The following B3GAT2 variants were observed in gnomAD, a reference collection of about 807,000 sequenced individuals.
The protein encoded by B3GAT2 is galactosylgalactosylxylosylprotein 3-beta-glucuronosyltransferase 2.
In B3GAT2, 26 loss-of-function variants were observed where a neutral mutation model predicts 27.8. That is an observed-to-expected ratio of 0.93 (90% confidence interval 0.68 to 1.30). The LOEUF is 1.30. B3GAT2 is among the 50% of genes most tolerant of loss of function. The pLI is 0.00. For synonymous variants in B3GAT2, 218 were observed against 195.1 expected (o/e 1.12, Z -0.98); for missense variants, 458 against 459.0 (o/e 1.00, Z 0.02).
intron 1 of B3GAT2, among the ~76,000 whole-genome samples, chr6:70,955,167 T>C (rs927165036): frequency 7.6e-6 from 1 of 131,628 alleles, no homozygotes; most frequent in African/African-American, 3.0e-5. Context: ...CCAGAAAGGG[T>C]TTTCTTGCAA....
intron 2 of B3GAT2, among the ~76,000 whole-genome samples, chr6:70,886,267 G>C (rs774529559): frequency 7.9e-5 from 12 of 152,056 alleles, no homozygotes; most frequent in Non-Finnish European, 1.6e-4. Context: ...CCTAGGCCTC[G>C]GGCTCCTTAT....
Position 70,955,976 on chromosome 6 carries a change from C to G in B3GAT2, c.454G>C (p.Gly152Arg), listed in dbSNP as rs1351684850. 7 of 1,469,464 alleles carry G rather than the reference C, an allele frequency of 4.8e-6. No homozygotes were observed. The highest frequency in any genetic ancestry group is 6.3e-6 in the Non-Finnish European group (7 of 1,118,712). 91.0% of individuals were successfully genotyped at this position (1,469,464 alleles called of 1,614,324 possible). A position where few individuals can be genotyped will look rare whatever the true frequency, so the allele number is the denominator to read the frequency against. ...VPTPRRYKRP[G>R]LPRATEQRNA... ...CGCTGCTCAGTGGCGCGCGGCAGCCCGGGCCGCTTGTAGCGCCGCGGCGTG... is the reference window on the plus strand; with the variant it reads ...CGCTGCTCAGTGGCGCGCGGCAGCCGGGGCCGCTTGTAGCGCCGCGGCGTG... Residue 152 changes from glycine (G) to arginine (R), a missense_variant, in exon 1 of 4, where the codon GGG becomes CGG. By Grantham distance (125) the Gly-to-Arg change is moderately radical (BLOSUM62 -2). Transcript: ENST00000230053.
intron 2 of B3GAT2, among the ~76,000 whole-genome samples, chr6:70,886,210 T>G (rs1481454726): frequency 6.6e-6 from 1 of 152,210 alleles, no homozygotes; most frequent in Non-Finnish European, 1.5e-5. Context: ...ACCATCTCTG[T>G]AGACACACTG....
chr6:70,893,053 T>C (rs1360401801), intron 2 of B3GAT2, among the ~76,000 whole-genome samples: 1 of 152,202 alleles, frequency 6.6e-6, no homozygotes, highest in African/African-American at 2.4e-5. Flanking sequence ...GTGTTAAATG[T>C]TGAGTAAAAA....
chr6:70,890,123 T>C (rs10447360), intron 2 of B3GAT2, among the ~76,000 whole-genome samples: 29,072 of 152,028 alleles, frequency 0.19, 3,728 homozygotes, highest in Non-Finnish European at 0.28. Context: ...TCCAGCGGTC[T>C]TTCTCCCATA....
intron 1 of B3GAT2, among the ~76,000 whole-genome samples, chr6:70,919,167 T>A (rs1772825954): frequency 1.3e-5 from 2 of 152,240 alleles, no homozygotes; most frequent in South Asian, 4.1e-4. Context: ...ACTGATATCC[T>A]TTCTTTCGCT....
At chr6:70,876,918 G>A (rs960761365) in intron 2 of B3GAT2, among the ~76,000 whole-genome samples, 1 of 152,206 alleles carries the variant, frequency 6.6e-6, no homozygotes, top group African/African-American at 2.4e-5. Context: ...GAATGAGTAA[G>A]GGCTTTGGAG....
At chr6:70,874,564 C>A (rs555843234) in intron 2 of B3GAT2, among the ~76,000 whole-genome samples, 1 of 152,278 alleles carries the variant, frequency 6.6e-6, no homozygotes, top group East Asian at 1.9e-4. Context: ...TCCTACACAT[C>A]CACAAGGCCT....
At chr6:70,870,836 C>T (rs1004464683) in intron 2 of B3GAT2, among the ~76,000 whole-genome samples, 5 of 152,062 alleles carry the variant, frequency 3.3e-5, no homozygotes, top group Non-Finnish European at 5.9e-5. Flanking sequence ...AGGGAAAAAG[C>T]TTTCGGCATT....
chr6:70,863,601 TA>T (rs1251369675), intron 2 of B3GAT2, among the ~76,000 whole-genome samples: 3 of 152,208 alleles, frequency 2.0e-5, no homozygotes, highest in African/African-American at 7.2e-5. Flanking sequence ...CCAACTCATT[TA>T]ACCTTTCTTG....
chr6:70,946,475 A>G (rs1457478402), intron 1 of B3GAT2, among the ~76,000 whole-genome samples: 1 of 152,024 alleles, frequency 6.6e-6, no homozygotes, highest in Non-Finnish European at 1.5e-5. Flanking sequence ...AGATCAAAAG[A>G]GACAAAGAAG....
At chr6:70,922,516 T>A (rs889025728) in intron 1 of B3GAT2, among the ~76,000 whole-genome samples, 1 of 151,994 alleles carries the variant, frequency 6.6e-6, no homozygotes, top group Non-Finnish European at 1.5e-5. Flanking sequence ...AAATTAGAAA[T>A]CAAAACCAAA....
At position 70,894,151 on chromosome 6, in the gene B3GAT2, C is replaced by CT; in HGVS notation, c.712dup (p.Arg238LysfsTer26). ...ACCTGCCATGTCGATGGCAAAAGGC[C>CT]TGTCTGCTCTCCAGCCGGTGTACCA... On this transcript the variant is annotated frameshift_variant, in exon 2 of 4. Transcript: ENST00000230053. LOFTEE classifies it high-confidence loss of function. 1.2e-6 allele frequency: 2 copies of CT among 1,612,946 alleles called. No individual in the cohort carries two copies. The highest frequency in any genetic ancestry group is 1.7e-6 in the Non-Finnish European group (2 of 1,179,366).
At position 70,857,342 on chromosome 6, in the gene B3GAT2, C is replaced by T. The variant is rs921803261; in HGVS notation, c.*4321G>A. On this transcript the variant is annotated 3_prime_UTR_variant, in exon 4 of 4. Coordinates refer to ENST00000230053, the MANE Select transcript of B3GAT2 (RefSeq NM_080742.3). ...ACGATTTGCATGAAGTTTATGACTG[C>T]GTACAGTGTATTTTCTCTGCAGGTA... is the stretch of plus-strand genomic sequence containing the variant. The T allele has an allele frequency of 3.9e-5, 8 of 203,850 alleles. No homozygotes were observed. Among genetic ancestry groups the T allele is most frequent in the South Asian group, 1.5e-4 (1 of 6,836 alleles). 12.6% of individuals were successfully genotyped at this position (203,850 alleles called of 1,614,324 possible). A position where few individuals can be genotyped will look rare whatever the true frequency, so the allele number is the denominator to read the frequency against.
At position 70,859,378 on chromosome 6, in the gene B3GAT2, A is replaced by G. The variant is rs1220810738; in HGVS notation, c.*2285T>C. On this transcript the variant is annotated 3_prime_UTR_variant, in exon 4 of 4. Transcript: ENST00000230053. The stretch of plus-strand genomic sequence containing the variant: ...CTCCAGCACTCCATCAGTGCAATCT[A>G]CTGGCCAATGACAAGGTGGTTAAAA... 6.5e-7 allele frequency: 1 copy of G among 1,549,374 alleles called. No individual in the cohort carries two copies. The highest frequency in any genetic ancestry group is 8.7e-7 in the Non-Finnish European group (1 of 1,146,506).
intron 1 of B3GAT2, among the ~76,000 whole-genome samples, chr6:70,901,837 A>G (rs1204988300): frequency 1.3e-5 from 2 of 152,232 alleles, no homozygotes; most frequent in African/African-American, 4.8e-5. Flanking sequence ...GTATTGTTCT[A>G]TGTATGAAAA....
chr6:70,888,812 A>G (rs1238966312), intron 2 of B3GAT2, among the ~76,000 whole-genome samples: 3 of 152,198 alleles, frequency 2.0e-5, no homozygotes, highest in African/African-American at 7.2e-5. Flanking sequence ...CCTGCCCATG[A>G]TCCCTCCCTA....
At chr6:70,949,652 C>T (rs1275542279) in intron 1 of B3GAT2, among the ~76,000 whole-genome samples, 1 of 151,204 alleles carries the variant, frequency 6.6e-6, no homozygotes, top group African/African-American at 2.4e-5. Context: ...GTGGTGATTC[C>T]TCAGGGATCT....
chr6:70,888,288 G>C (rs561815147), intron 2 of B3GAT2, among the ~76,000 whole-genome samples: 1 of 151,750 alleles, frequency 6.6e-6, no homozygotes, highest in African/African-American at 2.4e-5. Context: ...CTGGTTAAAA[G>C]AATGTTTTAA....
Sources: allele counts gnomAD v4.1 joint callset (sites outside exome capture counted in the v4.1 genomes callset), GRCh38; gene constraint gnomAD v4.1.1; transcripts MANE v1.5; gene names NCBI Gene and HGNC (gene_info 2026-07-23, HGNC 2026-07-21).